ESF1: variants seen among roughly 807,000 people sequenced by gnomAD.
ESF1 encodes the protein ESF1 nucleolar pre-rRNA processing protein, also known as ESF1 homolog.
A neutral mutation model predicts 92.0 loss-of-function variants in ESF1; 58 were observed. The observed-to-expected ratio is 0.63, with a 90% CI of 0.51 to 0.78. ESF1 has a LOEUF of 0.78. Among genes scored for constraint, ESF1 ranks in the 30% least tolerant of loss-of-function variants. ESF1 has a pLI of 0.00. For synonymous variants in ESF1, 321 were observed against 313.7 expected (o/e 1.02, Z -0.24); for missense variants, 922 against 989.1 (o/e 0.93, Z 0.91).
intron 11 of ESF1, among the ~76,000 whole-genome samples, chr20:13,720,265 C>T (rs1355757895): frequency 6.6e-6 from 1 of 152,204 alleles, no homozygotes; most frequent in Non-Finnish European, 1.5e-5. Flanking sequence ...CCTGGGCTAA[C>T]TACCCATGAG....
intron 10 of ESF1, among the ~76,000 whole-genome samples, chr20:13,729,845 T>A (rs2147729130): frequency 6.6e-6 from 1 of 152,324 alleles, no homozygotes; most frequent in East Asian, 1.9e-4. Flanking sequence ...TTTACTAAAT[T>A]AGCAAATTTA....
intron 1 of ESF1, 132 bp downstream of exon 1, chr20:13,784,748 G>C (rs994409655): frequency 2.6e-6 from 1 of 379,106 alleles, no homozygotes; most frequent in East Asian, 5.8e-5. Flanking sequence ...AAAGGCTCAG[G>C]AGGAAGGGGC....
intron 11 of ESF1, among the ~76,000 whole-genome samples, chr20:13,724,586 G>C (rs1174515646): frequency 1.3e-5 from 2 of 152,148 alleles, no homozygotes; most frequent in African/African-American, 4.8e-5. Context: ...TTTAGTTTTT[G>C]CTGGGGAGGA....
At chr20:13,749,251 TTTTTTTTGTA>T (rs1978504914) in intron 9 of ESF1, among the ~76,000 whole-genome samples, 1 of 146,572 alleles carries the variant, frequency 6.8e-6, no homozygotes, top group East Asian at 2.0e-4. Context: ...TTTTTTTTTT[TTTTTTTTGTA>T]TTTTTGTAGC....
chr20:13,776,369 T>C (rs1979943677), intron 2 of ESF1, 99 bp from the exon 3 acceptor site: 1 of 1,160,362 alleles, frequency 8.6e-7, no homozygotes, highest in African/African-American at 1.6e-5. Flanking sequence ...AAATATAATT[T>C]CTATGAAACA....
intron 9 of ESF1, among the ~76,000 whole-genome samples, chr20:13,742,084 T>C (rs1002043740): frequency 2.0e-5 from 3 of 152,144 alleles, no homozygotes; most frequent in South Asian, 2.1e-4. Flanking sequence ...TCAACATTCA[T>C]GGTCAGGTGT....
chr20:13,759,813 CTT>C lies in ESF1; in HGVS notation c.1705_1706del (p.Lys569GlufsTer6). 2 of 1,599,446 alleles carry C rather than the reference CTT, an allele frequency of 1.3e-6. No homozygotes were observed. The highest frequency in any genetic ancestry group is 1.7e-6 in the Non-Finnish European group (2 of 1,176,082). On this transcript the variant is annotated frameshift_variant, in exon 9 of 14. Coordinates refer to ENST00000617257, the MANE Select transcript of ESF1 (RefSeq NM_001276380.2). LOFTEE classifies it high-confidence loss of function. ...GTTCTTCATCATCCTTCTGACTTTT[CTT>C]TGTTTTCCCATCTTCTTCTACATTG... ...GVNVEEDGKT[K>X]KSQKDDEEQI...
chr20:13,766,984 T>A (rs1979458410), intron 7 of ESF1, 60 bp from the exon 8 acceptor site: 1 of 1,533,486 alleles, frequency 6.5e-7, no homozygotes, highest in Admixed American at 1.8e-5. Flanking sequence ...CTCAAACTTG[T>A]TAAAGAATAT....
chr20:13,764,048 T>G (rs2147766570), intron 8 of ESF1, among the ~76,000 whole-genome samples: 1 of 152,326 alleles, frequency 6.6e-6, no homozygotes, highest in Non-Finnish European at 1.5e-5. Context: ...ATGGTCATAC[T>G]AAAGAAGCAT....
chr20:13,767,373 T>C (rs987670585), intron 7 of ESF1, among the ~76,000 whole-genome samples: 2 of 151,886 alleles, frequency 1.3e-5, no homozygotes, highest in Admixed American at 6.6e-5. Flanking sequence ...CATGAAAAAT[T>C]AGCTGGGCGT....
intron 3 of ESF1, among the ~76,000 whole-genome samples, chr20:13,775,597 T>A (rs1208981704): frequency 6.6e-6 from 1 of 152,158 alleles, no homozygotes; most frequent in Non-Finnish European, 1.5e-5. Context: ...CCCTGCAACA[T>A]TTCTTTTGGG....
At position 13,751,868 on chromosome 20, in the gene ESF1, G is replaced by GCCTGTAGTC. The variant is rs534667519; in HGVS notation, c.1828+7815_1828+7823dup. Among the ~76,000 whole-genome samples, 6 of 152,120 alleles carry GCCTGTAGTC rather than the reference G, an allele frequency of 3.9e-5. No individual in the cohort carries two copies. The South Asian group carries it at 8.3e-4, about 21-fold the overall frequency. On this transcript the variant is annotated intron_variant, in intron 9 of 13. Transcript: ENST00000617257. Reference sequence around the variant, plus strand: ...AAATTAGCTGGGCGTAGTGGCCCACGCCTGTAGTCCCAGCTACTCAGGAGG... The same window carrying GCCTGTAGTC: ...AAATTAGCTGGGCGTAGTGGCCCACGCCTGTAGTCCCTGTAGTCCCAGCTACTCAGGAGG...
In ESF1 at chr20:13,776,211, T is replaced by G. The variant is rs767437879; in HGVS notation, c.697A>C (p.Met233Leu). The G allele has an allele frequency of 6.2e-7, 1 of 1,613,796 alleles. No homozygotes were observed. The highest frequency in any genetic ancestry group is 8.5e-7 in the Non-Finnish European group (1 of 1,179,868). ...DGYENSTDGE[M>L]CDKDALEEDS... Reference sequence around the variant, plus strand: ...TCCTCCAGAGCATCTTTGTCACACATTTCACCATCTGTTGAGTTTTCATAA... The same window carrying G: ...TCCTCCAGAGCATCTTTGTCACACAGTTCACCATCTGTTGAGTTTTCATAA... The change falls in exon 3 of 14, where the codon ATG (methionine) becomes CTG (leucine). Residue 233 changes from methionine (M) to leucine (L), a missense_variant. Coordinates refer to ENST00000617257, the MANE Select transcript of ESF1 (RefSeq NM_001276380.2).
intron 6 of ESF1, 36 bp from the exon 7 acceptor site, chr20:13,770,057 G>A (rs756445348): frequency 3.9e-5 from 48 of 1,237,510 alleles, no homozygotes; most frequent in South Asian, 1.8e-4. Context: ...TTTAAAATAC[G>A]CTGCAGTGAT....
intron 9 of ESF1, among the ~76,000 whole-genome samples, chr20:13,741,926 C>T (rs772257455): frequency 1.6e-4 from 25 of 152,184 alleles, no homozygotes; most frequent in Middle Eastern, 3.4e-3. Context: ...AGGAAAAGCA[C>T]AAACAGTACA....
At chr20:13,730,365 C>T (rs140737816) in intron 10 of ESF1, among the ~76,000 whole-genome samples, 16 of 151,322 alleles carry the variant, frequency 1.1e-4, no homozygotes, top group African/African-American at 1.7e-4. Context: ...TGAACCAACA[C>T]GCCTGGCCAA....
At chr20:13,743,897 T>C (rs1041335846) in intron 9 of ESF1, among the ~76,000 whole-genome samples, 2 of 152,214 alleles carry the variant, frequency 1.3e-5, no homozygotes, top group Admixed American at 6.5e-5. Flanking sequence ...ATATATTCAA[T>C]CTTTGTCAAT....
At chr20:13,764,877 C>CT (rs1979359866) in intron 8 of ESF1, among the ~76,000 whole-genome samples, 2 of 151,072 alleles carry the variant, frequency 1.3e-5, no homozygotes, top group Admixed American at 1.3e-4. Context: ...GTTCAAGAGT[C>CT]ATCAAGAGTC....
chr20:13,749,654 T>G (rs1326274177), intron 9 of ESF1, among the ~76,000 whole-genome samples: 1 of 151,914 alleles, frequency 6.6e-6, no homozygotes, highest in East Asian at 1.9e-4. Flanking sequence ...CAACCTCCAC[T>G]TGCCGGGTTC....
Sources: gnomAD v4.1 joint callset for allele counts (sites outside exome capture counted in the v4.1 genomes callset) on GRCh38, gnomAD v4.1.1 for gene constraint, MANE v1.5 for transcripts, NCBI Gene and HGNC (gene_info 2026-07-23, HGNC 2026-07-21) for gene names.